The following ZSCAN2 variants were observed in gnomAD, a reference collection of about 807,000 sequenced individuals.
ZSCAN2 encodes zinc finger and SCAN domain-containing protein 2.
A neutral mutation model predicts 47.8 loss-of-function variants in ZSCAN2; 26 were observed. That is an observed-to-expected ratio of 0.54 (90% confidence interval 0.40 to 0.75). ZSCAN2 has a LOEUF of 0.75. Among genes scored for constraint, ZSCAN2 ranks in the 30% least tolerant of loss-of-function variants. ZSCAN2 has a pLI of 0.00. For missense variants in ZSCAN2, 732 were observed against 785.4 expected, an observed-to-expected ratio of 0.93 and a Z score of 0.81; for synonymous variants, 305 against 288.7, an observed-to-expected ratio of 1.06 and a Z score of -0.57.
chr15:84,611,231 A>G (rs1328967043), intron 2 of ZSCAN2, among the ~76,000 whole-genome samples: 6 of 152,072 alleles, frequency 3.9e-5, no homozygotes, highest in Non-Finnish European at 7.4e-5. Context: ...CAGGAGACAG[A>G]GATCACGCCA....
chr15:84,620,731 A>G lies in ZSCAN2; in HGVS notation c.536A>G (p.Glu179Gly), dbSNP rs1390103723. The stretch of plus-strand genomic sequence containing the variant: ...CACTCCGATGGGGAAAGTGACTTTG[A>G]GAGAGATGCTGGCATCCAGAGGCTC... Reference protein sequence around the residue: ...AQHSDGESDFERDAGIQRLQG... With the variant: ...AQHSDGESDFGRDAGIQRLQG... Residue 179 changes from glutamate (E) to glycine (G), a missense_variant, in exon 3 of 3, where the codon GAG becomes GGG. Transcript: ENST00000546148. 6.2e-7 allele frequency: 1 copy of G among 1,614,118 alleles called. No individual in the cohort carries two copies. The highest frequency in any genetic ancestry group is 8.5e-7 in the Non-Finnish European group (1 of 1,180,054).
rs74024720 is a variant in ZSCAN2 at position 84,607,340 on chromosome 15, A to G, written c.406+3007A>G. Reference sequence around the variant, plus strand: ...GCTTAAAAACCTTCATGAGCTTCCCAGTATCTACCAAATCAAGCATGACCT... The same window carrying G: ...GCTTAAAAACCTTCATGAGCTTCCCGGTATCTACCAAATCAAGCATGACCT... On this transcript the variant is annotated intron_variant, in intron 2 of 2. Transcript: ENST00000546148. 4.5e-3 allele frequency among the ~76,000 whole-genome samples: 691 copies of G among 151,944 alleles called. 3 individuals carry two copies. Among genetic ancestry groups the G allele is most frequent in the African/African-American group, 0.016 (657 of 41,432 alleles).
chr15:84,618,968 T>A (rs985460579), intron 2 of ZSCAN2, among the ~76,000 whole-genome samples: 1 of 152,182 alleles, frequency 6.6e-6, no homozygotes, highest in African/African-American at 2.4e-5. Context: ...AACAGTGTGA[T>A]CCAGGCTCAG....
At chr15:84,614,160 C>T (rs309426) in intron 2 of ZSCAN2, among the ~76,000 whole-genome samples, 151,732 of 151,750 alleles carry the variant, frequency 1, 75,857 homozygotes, top group Middle Eastern at 1. Flanking sequence ...CCGGCTAATT[C>T]TGTTTTTTTT....
chr15:84,610,031 C>T (rs1219387465), intron 2 of ZSCAN2, among the ~76,000 whole-genome samples: 1 of 152,176 alleles, frequency 6.6e-6, no homozygotes, highest in African/African-American at 2.4e-5. Flanking sequence ...TTGTGCTGTG[C>T]ACGTGAGGCC....
intron 2 of ZSCAN2, among the ~76,000 whole-genome samples, chr15:84,611,264 G>C (rs1292837028): frequency 2.0e-5 from 3 of 152,046 alleles, no homozygotes; most frequent in African/African-American, 7.2e-5. Context: ...CTGGGTGACA[G>C]AGCAAGACTC....
At chr15:84,616,314 G>C (rs1895692206) in intron 2 of ZSCAN2, 1 of 1,437,412 alleles carries the variant, frequency 7.0e-7, no homozygotes, top group African/African-American at 1.4e-5. Context: ...TCCAGAAACA[G>C]CTTCCTGCGT....
chr15:84,616,920 C>T (rs1273675067), intron 2 of ZSCAN2, among the ~76,000 whole-genome samples: 1 of 151,788 alleles, frequency 6.6e-6, no homozygotes, highest in East Asian at 2.0e-4. Context: ...GTTGGAAGTT[C>T]GAGACCTGCC....
At chr15:84,601,287 T>C (rs1355746521) in intron 1 of ZSCAN2, 152 bp downstream of exon 1, 3 of 152,188 alleles carry the variant, frequency 2.0e-5, no homozygotes. Flanking sequence ...CAGCCCCGAT[T>C]TACGCGCCGG....
intron 2 of ZSCAN2, among the ~76,000 whole-genome samples, chr15:84,608,267 C>T (rs539550757): frequency 6.6e-6 from 1 of 152,004 alleles, no homozygotes; most frequent in Non-Finnish European, 1.5e-5. Context: ...CAATGGCTCA[C>T]GGCTGTAATC....
rs1204864855 is a variant in ZSCAN2 at position 84,601,088 on chromosome 15, C to T, written c.-156C>T. 2 of 152,554 alleles carry T rather than the reference C, an allele frequency of 1.3e-5. No homozygotes were observed. The highest frequency in any genetic ancestry group is 2.9e-5 in the Non-Finnish European group (2 of 68,306). The allele number at this position is 152,554 out of a possible 1,614,324, so 9.5% of individuals were successfully genotyped here. A position where few individuals can be genotyped will look rare whatever the true frequency, so the allele number is the denominator to read the frequency against. The stretch of plus-strand genomic sequence containing the variant: ...AGGGGCCGGGCCGAGCCCGGGGGCG[C>T]TTTCGCACGCGAAGCAACCGCTAGA... On this transcript the variant is annotated 5_prime_UTR_variant, in exon 1 of 3. Coordinates refer to ENST00000546148, the MANE Select transcript of ZSCAN2 (RefSeq NM_181877.4).
At position 84,604,150 on chromosome 15, in the gene ZSCAN2, G is replaced by C; in HGVS notation, c.223G>C (p.Gly75Arg). 1 of 1,613,680 alleles carries C rather than the reference G, an allele frequency of 6.2e-7. No individual in the cohort carries two copies. The highest frequency in any genetic ancestry group is 8.5e-7 in the Non-Finnish European group (1 of 1,179,860). ...PQEEVTRGPQGALGRLRELCR... is the reference protein window; with the variant it reads ...PQEEVTRGPQRALGRLRELCR... ...GGAGGAGGTGACCAGGGGACCACAGGGTGCACTCGGCCGCCTCCGAGAGCT... is the reference window on the plus strand; with the variant it reads ...GGAGGAGGTGACCAGGGGACCACAGCGTGCACTCGGCCGCCTCCGAGAGCT... The change falls in exon 2 of 3, where the codon GGT becomes CGT. Residue 75 changes from glycine to arginine, a missense_variant. Transcript: ENST00000546148.
intron 2 of ZSCAN2, chr15:84,616,411 C>T (rs1000029694): frequency 6.3e-7 from 1 of 1,593,046 alleles, no homozygotes; most frequent in African/African-American, 1.3e-5. Flanking sequence ...ACCCCAGTTC[C>T]CAAACACAGG....
At chr15:84,617,831 C>T (rs1034739139) in intron 2 of ZSCAN2, among the ~76,000 whole-genome samples, 1 of 151,954 alleles carries the variant, frequency 6.6e-6, no homozygotes, top group East Asian at 2.0e-4. Flanking sequence ...TCCCAGCTAC[C>T]TGCAAGGCTA....
intron 2 of ZSCAN2, chr15:84,616,464 A>T: frequency 6.7e-7 from 1 of 1,495,466 alleles, no homozygotes; most frequent in East Asian, 2.4e-5. Context: ...GTTCCCTCCC[A>T]CCCCAGGGCT....
At chr15:84,613,597 T>G (rs893494869) in intron 2 of ZSCAN2, among the ~76,000 whole-genome samples, 2 of 152,108 alleles carry the variant, frequency 1.3e-5, no homozygotes, top group South Asian at 4.1e-4. Context: ...CGTGAGCCAC[T>G]GCACCCGGCC....
chr15:84,620,515 A>C, intron 2 of ZSCAN2, 87 bp from the exon 3 acceptor site: 1 of 1,250,738 alleles, frequency 8.0e-7, no homozygotes, highest in African/African-American at 1.5e-5. Flanking sequence ...CTGGAAGTTT[A>C]ATTTTTATAA....
At position 84,622,836 on chromosome 15, in the gene ZSCAN2, G is replaced by A. The variant is rs1424605599; in HGVS notation, c.*796G>A. ...CAGGGGAACACATTTGTTCTCGTGG[G>A]GTTTTGTCCTGGAGAGTGTAGTGAA... On this transcript the variant is annotated 3_prime_UTR_variant, in exon 3 of 3. Coordinates refer to ENST00000546148, the MANE Select transcript of ZSCAN2 (RefSeq NM_181877.4). 4.8e-6 allele frequency: 3 copies of A among 628,034 alleles called. No homozygotes were observed. The highest frequency in any genetic ancestry group is 8.7e-6 in the Non-Finnish European group (3 of 344,746). 38.9% of individuals were successfully genotyped at this position (628,034 alleles called of 1,614,324 possible).
intron 2 of ZSCAN2, chr15:84,616,459 C>A: frequency 6.5e-7 from 1 of 1,534,742 alleles, no homozygotes; most frequent in South Asian, 1.3e-5. Context: ...GTTCTGTTCC[C>A]TCCCACCCCA....
Sources: allele counts gnomAD v4.1 joint callset (sites outside exome capture counted in the v4.1 genomes callset), GRCh38; gene constraint gnomAD v4.1.1; transcripts MANE v1.5; gene names NCBI Gene and HGNC (gene_info 2026-07-23, HGNC 2026-07-21).